TENM1: variants seen among roughly 807,000 people sequenced by gnomAD.
The protein encoded by TENM1 is teneurin-1.
A neutral mutation model predicts 174.8 loss-of-function variants in TENM1; 35 were observed. The ratio of observed to expected loss-of-function variants is 0.20; its 90% CI spans 0.15 to 0.27. The LOEUF (loss-of-function observed/expected upper bound fraction) is 0.27, where lower values mean the gene tolerates loss of function less well. Ranked by LOEUF, TENM1 falls within the 10% of genes least tolerant of loss-of-function variation. The pLI is 1.00. For missense variants in TENM1, 1,633 were observed against 2,130.1 expected (o/e 0.77, Z 4.59); for synonymous variants, 781 against 798.7 (o/e 0.98, Z 0.37).
the TENM1 span, among the ~76,000 whole-genome samples, chrX:125,093,555 T>G: frequency 8.9e-6 from 1 of 111,828 alleles, no homozygotes; most frequent in Non-Finnish European, 1.9e-5. Flanking sequence ...GTACCAAATT[T>G]CATTGAAATT....
chrX:125,055,863 T>C, the TENM1 span, among the ~76,000 whole-genome samples: 1 of 112,095 alleles, frequency 8.9e-6, no homozygotes, highest in Non-Finnish European at 1.9e-5. Flanking sequence ...TAGAGCACTG[T>C]TCTTCATTTT....
intron 5 of TENM1, among the ~76,000 whole-genome samples, chrX:124,692,647 G>C (rs773497857): frequency 1.1e-3 from 115 of 108,625 alleles, no homozygotes; most frequent in Non-Finnish European, 1.7e-3. Flanking sequence ...TATTTTTCTA[G>C]ATCCTTAATA....
At chrX:125,019,543 C>T in the TENM1 span, among the ~76,000 whole-genome samples, 1 of 110,934 alleles carries the variant, frequency 9.0e-6, no homozygotes, top group African/African-American at 3.3e-5. Flanking sequence ...ATTGTAGACA[C>T]AAATATGTTG....
At chrX:124,917,321 A>C (rs2057942274) in intron 1 of TENM1, among the ~76,000 whole-genome samples, 4 of 112,029 alleles carry the variant, frequency 3.6e-5, no homozygotes, top group Admixed American at 1.9e-4. Flanking sequence ...TGAGCCAAAA[A>C]AACTTTTTTT....
chrX:125,049,279 C>T, the TENM1 span, among the ~76,000 whole-genome samples: 2 of 111,954 alleles, frequency 1.8e-5, no homozygotes, highest in African/African-American at 6.5e-5. Flanking sequence ...CAATAATCTA[C>T]TTTCTATTTC....
At chrX:124,546,817 T>C in intron 15 of TENM1, 57 bp downstream of exon 18, 1 of 929,838 alleles carries the variant, frequency 1.1e-6, no homozygotes, top group South Asian at 2.1e-5. Context: ...CTTCCTTTCG[T>C]AGTTCAGGAA....
intron 3 of TENM1, among the ~76,000 whole-genome samples, chrX:124,757,108 G>A (rs1161587665): frequency 2.7e-5 from 3 of 112,719 alleles, no homozygotes; most frequent in African/African-American, 9.7e-5. Flanking sequence ...GGAGCCTACA[G>A]AGGCAGGCAG....
chrX:124,581,452 T>TA (rs1384012862), intron 11 of TENM1, among the ~76,000 whole-genome samples: 1 of 33 alleles, frequency 0.03, no homozygotes, highest in African/African-American at 0.12. Flanking sequence ...GATAGGCATC[T>TA]AAGTGATCTC....
chrX:125,098,533 G>A, the TENM1 span, among the ~76,000 whole-genome samples: 8 of 112,181 alleles, frequency 7.1e-5, no homozygotes, highest in Non-Finnish European at 1.5e-4. Context: ...AAAAAATGGC[G>A]TTATTTCTTT....
At chrX:124,714,888 T>C (rs745347764) in intron 4 of TENM1, among the ~76,000 whole-genome samples, 6 of 111,585 alleles carry the variant, frequency 5.4e-5, no homozygotes, top group African/African-American at 2.0e-4. Flanking sequence ...TTCATAATAA[T>C]GCCCTTTCAA....
At chrX:124,803,763 G>C (rs2055516050) in intron 3 of TENM1, among the ~76,000 whole-genome samples, 1 of 111,719 alleles carries the variant, frequency 9.0e-6, no homozygotes, top group South Asian at 3.7e-4. Flanking sequence ...TTTTTTAAAG[G>C]ACAAATCAAA....
At chrX:124,392,447 A>AGT (rs2147621613) in intron 27 of TENM1, 99 bp from the exon 31 acceptor site, 1 of 711,081 alleles carries the variant, frequency 1.4e-6, no homozygotes, top group Non-Finnish European at 2.1e-6. Context: ...CCAACGATAG[A>AGT]GTCTGTCTTG....
chrX:124,459,766 T>C (rs1325402717), intron 22 of TENM1, among the ~76,000 whole-genome samples: 1 of 111,033 alleles, frequency 9.0e-6, no homozygotes, highest in Non-Finnish European at 1.9e-5. Context: ...CAAAAGAAAT[T>C]ATCAACAGAG....
intron 21 of TENM1, among the ~76,000 whole-genome samples, chrX:124,484,430 G>A (rs2046910418): frequency 8.9e-6 from 1 of 111,899 alleles, no homozygotes; most frequent in South Asian, 3.7e-4. Context: ...CCACCTCCTT[G>A]AGGGTGGAGT....
At chrX:125,075,329 T>C in the TENM1 span, among the ~76,000 whole-genome samples, 1 of 112,002 alleles carries the variant, frequency 8.9e-6, no homozygotes, top group Non-Finnish European at 1.9e-5. Context: ...TTCATTCCGT[T>C]TTATGGCTGA....
rs748560142 is a variant in TENM1, at chrX:124,461,992, ATATATC to A, written c.3950-8507_3950-8502del. On this transcript the variant is annotated intron_variant, in intron 22 of 31. Transcript: ENST00000422452. ...ATTATCACACATAGCTCCCAAATAT[ATATATC>A]TATATGTATCAATTAAAATTAATAA... Among the ~76,000 whole-genome samples, 911 of 111,669 alleles carry A rather than the reference ATATATC, an allele frequency of 8.2e-3. 9 individuals carry two copies. The highest frequency in any genetic ancestry group is 0.014 in the Non-Finnish European group (766 of 53,098).
At chrX:124,854,927 T>G (rs1260031819) in intron 3 of TENM1, among the ~76,000 whole-genome samples, 1 of 111,737 alleles carries the variant, frequency 8.9e-6, no homozygotes, top group Non-Finnish European at 1.9e-5. Context: ...AAATGTAAAA[T>G]TGAATTGGAT....
chrX:124,777,984 T>A (rs7063902), intron 3 of TENM1, among the ~76,000 whole-genome samples: 5,134 of 112,619 alleles, frequency 0.046, 185 homozygotes, highest in African/African-American at 0.12. Flanking sequence ...AACTTGATTT[T>A]CAAAAACAGT....
At chrX:124,782,867 T>G (rs1046325557) in intron 3 of TENM1, among the ~76,000 whole-genome samples, 2 of 111,590 alleles carry the variant, frequency 1.8e-5, no homozygotes, top group African/African-American at 6.5e-5. Flanking sequence ...CAGTTTAAAC[T>G]TTTTGAAGTA....
Sources: allele counts gnomAD v4.1 joint callset (sites outside exome capture counted in the v4.1 genomes callset), GRCh38; gene constraint gnomAD v4.1.1; transcripts MANE v1.5; gene names NCBI Gene and HGNC (gene_info 2026-07-23, HGNC 2026-07-21).